The following FRMPD2 variants were observed in gnomAD, a reference collection of about 807,000 sequenced individuals.
FRMPD2 encodes the protein FERM and PDZ domain-containing protein 2.
FRMPD2 carries 96 observed loss-of-function variants against 140.1 expected under a neutral mutation model. That is an observed-to-expected ratio of 0.69 (90% confidence interval 0.58 to 0.81). The LOEUF (loss-of-function observed/expected upper bound fraction) is 0.81, where lower values mean the gene tolerates loss of function less well. Among genes scored for constraint, FRMPD2 ranks in the 40% least tolerant of loss-of-function variants. FRMPD2 has a pLI of 0.00. For synonymous variants in FRMPD2, 449 were observed against 547.6 expected (o/e 0.82, Z 2.52); for missense variants, 1,240 against 1,447.4 (o/e 0.86, Z 2.32).
chr10:48,200,004 G>A (rs961291233), intron 15 of FRMPD2, among the ~76,000 whole-genome samples: 2 of 152,080 alleles, frequency 1.3e-5, no homozygotes. Context: ...TGTCGCTGGA[G>A]GAGAGCTGCA....
chr10:48,264,498 G>C (rs1840648413), intron 1 of FRMPD2, among the ~76,000 whole-genome samples: 1 of 151,894 alleles, frequency 6.6e-6, no homozygotes, highest in Non-Finnish European at 1.5e-5. Flanking sequence ...AATGACAACT[G>C]AAATGTGAAA....
chr10:48,161,883 T>G (rs1588796645), intron 28 of FRMPD2, among the ~76,000 whole-genome samples: 4 of 150,916 alleles, frequency 2.7e-5, no homozygotes, highest in Admixed American at 2.6e-4. Flanking sequence ...AACTATTGGC[T>G]ATATTAAATT....
At chr10:48,256,644 G>A (rs1173915644) in intron 1 of FRMPD2, among the ~76,000 whole-genome samples, 2 of 152,178 alleles carry the variant, frequency 1.3e-5, no homozygotes, top group Non-Finnish European at 2.9e-5. Flanking sequence ...GACCTTCTCA[G>A]CTCTGGAGCT....
chr10:48,245,170 T>C (rs936430000), intron 3 of FRMPD2, among the ~76,000 whole-genome samples: 1 of 152,192 alleles, frequency 6.6e-6, no homozygotes, highest in Non-Finnish European at 1.5e-5. Context: ...GTTCCTGCCT[T>C]CAAAATTGAT....
intron 3 of FRMPD2, among the ~76,000 whole-genome samples, chr10:48,247,207 T>C (rs1375337915): frequency 1.3e-5 from 2 of 152,246 alleles, no homozygotes; most frequent in Non-Finnish European, 2.9e-5. Context: ...TCAAAGACGC[T>C]CTGGGCAGAG....
intron 28 of FRMPD2, among the ~76,000 whole-genome samples, chr10:48,161,488 A>G (rs1837940342): frequency 1.3e-5 from 2 of 151,990 alleles, no homozygotes; most frequent in South Asian, 4.1e-4. Flanking sequence ...GTGGGAGCAA[A>G]TCACTTTTTC....
rs1838669832 is a variant in FRMPD2, at chr10:48,185,761, C to T, written c.2267-116G>A. On this transcript the variant is annotated intron_variant, in intron 17 of 28. Coordinates refer to ENST00000374201, the MANE Select transcript of FRMPD2 (RefSeq NM_001018071.4). ...GCGCGCACACACATTCACACGCACA[C>T]AATCCTGAAAACAAAAGTAGCTCAT... 4 of 757,892 alleles carry T rather than the reference C, an allele frequency of 5.3e-6. No homozygotes were observed. In the African/African-American group the frequency reaches 6.8e-5, roughly 13 times the overall value. 46.9% of individuals were successfully genotyped at this position (757,892 alleles called of 1,614,324 possible).
intron 12 of FRMPD2, among the ~76,000 whole-genome samples, chr10:48,217,494 A>T (rs1839478042): frequency 6.6e-6 from 1 of 152,176 alleles, no homozygotes; most frequent in African/African-American, 2.4e-5. Flanking sequence ...GTGTTTTCAA[A>T]CCGCAGTCTG....
chr10:48,162,918 T>TA (rs71023202), intron 28 of FRMPD2, among the ~76,000 whole-genome samples: 3,614 of 98,828 alleles, frequency 0.037, 75 homozygotes, highest in Middle Eastern at 0.053. Flanking sequence ...ACCCCATCTT[T>TA]AAAAAAAAAA....
rs1839107774 is a variant in FRMPD2 at position 48,202,415 on chromosome 10, T to G, written c.1798-1031A>C. On this transcript the variant is annotated intron_variant, in intron 14 of 28. Transcript: ENST00000374201. The stretch of plus-strand genomic sequence containing the variant: ...CAGATATCAACAAAAGGCAGATAAA[T>G]ATTCATTGCTTTTTCTTTGAGAAAC... Among the ~76,000 whole-genome samples, 3 of 152,312 alleles carry G rather than the reference T, an allele frequency of 2.0e-5. No individual in the cohort carries two copies. In the South Asian group the frequency reaches 6.2e-4, roughly 32 times the overall value.
chr10:48,266,667 C>CA (rs1182991989), intron 1 of FRMPD2, among the ~76,000 whole-genome samples: 2 of 152,238 alleles, frequency 1.3e-5, no homozygotes, highest in African/African-American at 4.8e-5. Context: ...CAATGAGGCA[C>CA]AGTCATTTCT....
At chr10:48,159,864 T>C (rs1665137566) in intron 28 of FRMPD2, among the ~76,000 whole-genome samples, 1 of 151,644 alleles carries the variant, frequency 6.6e-6, no homozygotes, top group African/African-American at 2.4e-5. Flanking sequence ...AGCCTTGAAG[T>C]GCACATGAGT....
chr10:48,237,884 A>C, intron 8 of FRMPD2, 107 bp downstream of exon 8: 6 of 1,313,478 alleles, frequency 4.6e-6, no homozygotes, highest in Non-Finnish European at 6.6e-6. Context: ...CAGCCCAGGG[A>C]AGTTGTCCCC....
chr10:48,251,892 C>T (rs1416028408), intron 1 of FRMPD2: 11 of 556,970 alleles, frequency 2.0e-5, no homozygotes, highest in Non-Finnish European at 3.5e-5. Flanking sequence ...GGAGGACTGA[C>T]CAGGTTGGCT....
intron 20 of FRMPD2, among the ~76,000 whole-genome samples, chr10:48,181,857 T>TTATATATATATATATATATATA (rs1168209520): frequency 2.8e-5 from 1 of 36,072 alleles, no homozygotes; most frequent in Non-Finnish European, 5.5e-5. Flanking sequence ...ATATATTCCC[T>TTATATATATATATATATATATA]CATATATATA....
intron 1 of FRMPD2, among the ~76,000 whole-genome samples, chr10:48,265,161 T>C (rs1198570527): frequency 6.6e-6 from 1 of 152,200 alleles, no homozygotes; most frequent in African/African-American, 2.4e-5. Context: ...GCTAGCCATA[T>C]GCAGAAGATT....
chr10:48,223,093 G>A (rs1839644290), intron 11 of FRMPD2, 30 bp downstream of exon 11: 1 of 1,589,372 alleles, frequency 6.3e-7, no homozygotes, highest in Non-Finnish European at 8.6e-7. Context: ...AATCCCTTAA[G>A]GAACAAATGA....
intron 4 of FRMPD2, among the ~76,000 whole-genome samples, 181 bp from the exon 5 acceptor site, chr10:48,242,533 G>A (rs1028380614): frequency 2.6e-5 from 4 of 152,278 alleles, no homozygotes; most frequent in Non-Finnish European, 5.9e-5. Context: ...AGGCCGCAAA[G>A]TGCGGAGCAA....
At chr10:48,184,471 C>T (rs1463289327) in intron 20 of FRMPD2, 95 bp downstream of exon 20, 5 of 752,660 alleles carry the variant, frequency 6.6e-6, no homozygotes, top group Non-Finnish European at 1.2e-5. Flanking sequence ...ATATAGAAGA[C>T]CTACGTGGAC....
Sources: allele counts gnomAD v4.1 joint callset (sites outside exome capture counted in the v4.1 genomes callset), GRCh38; gene constraint gnomAD v4.1.1; transcripts MANE v1.5; gene names NCBI Gene and HGNC (gene_info 2026-07-23, HGNC 2026-07-21).